CNOT3: variants seen among roughly 807,000 people sequenced by gnomAD.
CNOT3 encodes CCR4-associated factor 3.
A neutral mutation model predicts 89.4 loss-of-function variants in CNOT3; 2 were observed. That is an observed-to-expected ratio of 0.02 (90% confidence interval 0.01 to 0.07). The LOEUF is 0.07. Among genes scored for constraint, CNOT3 ranks in the 10% least tolerant of loss-of-function variants. CNOT3 has a pLI of 1.00. For synonymous variants in CNOT3, 486 were observed against 402.0 expected (o/e 1.21, Z -2.50); for missense variants, 664 against 1,010.2 (o/e 0.66, Z 4.65).
Position 54,148,265 on chromosome 19 carries a change from C to T in CNOT3, c.1012C>T (p.Pro338Ser). The T allele has an allele frequency of 6.2e-7, 1 of 1,608,168 alleles. No individual in the cohort carries two copies. The highest frequency in any genetic ancestry group is 8.5e-7 in the Non-Finnish European group (1 of 1,176,954). The change falls in exon 11 of 18, where the codon CCT becomes TCT. Residue 338 changes from proline to serine, a missense_variant. Transcript: ENST00000221232. This position sits in a 1 kb window ranked among gnomAD's most constrained non-coding sequence, Gnocchi z 6.3. ...PPAASALSTTPGNNGVPAPAA... is the reference protein window; with the variant it reads ...PPAASALSTTSGNNGVPAPAA... ...TGCTGCCTCTGCCTTGAGCACCACT[C>T]CTGGCAACAATGGGGTCCCCGCCCC...
intron 17 of CNOT3, 140 bp from the exon 18 acceptor site, chr19:54,155,169 G>T (rs1455242052): frequency 2.8e-5 from 24 of 867,768 alleles, no homozygotes; most frequent in Non-Finnish European, 4.1e-5. Context: ...GAGGATGGAT[G>T]AGAGTGTGTG....
chr19:54,143,856 G>A, intron 5 of CNOT3, 107 bp downstream of exon 5: 1 of 1,469,088 alleles, frequency 6.8e-7, no homozygotes. Flanking sequence ...CTCAAGAGAA[G>A]TAAGGTTTCT....
chr19:54,151,639 T>C (rs896486270), intron 13 of CNOT3, among the ~76,000 whole-genome samples: 2 of 152,096 alleles, frequency 1.3e-5, no homozygotes, highest in Admixed American at 6.6e-5. Context: ...GCCCTGACTT[T>C]GGGGAACAGA....
At chr19:54,151,462 G>A (rs902525069) in intron 13 of CNOT3, among the ~76,000 whole-genome samples, 7 of 152,176 alleles carry the variant, frequency 4.6e-5, no homozygotes, top group Non-Finnish European at 1.0e-4. Flanking sequence ...CCAGCTCTTA[G>A]GGAGGCAGAG....
At chr19:54,152,205 G>A in intron 13 of CNOT3, 21 bp from the exon 14 acceptor site, 2 of 1,613,438 alleles carry the variant, frequency 1.2e-6, no homozygotes, top group Non-Finnish European at 1.7e-6. Context: ...GCTCAGGCCA[G>A]GCCTCTTGTT....
chr19:54,143,575 G>A, intron 4 of CNOT3, 59 bp downstream of exon 4: 6 of 1,604,986 alleles, frequency 3.7e-6, no homozygotes, highest in Non-Finnish European at 4.3e-6. Flanking sequence ...CTGGGAGAGT[G>A]GACTGCTGGG....
chr19:54,143,048 C>T (rs747745491), intron 2 of CNOT3, 45 bp downstream of exon 2: 1 of 1,613,206 alleles, frequency 6.2e-7, no homozygotes, highest in South Asian at 1.1e-5. Context: ...CATGCTCCCT[C>T]TTCTGAGGAC....
chr19:54,142,862 G>A, intron 1 of CNOT3, 67 bp from the exon 2 acceptor site: 1 of 1,008,730 alleles, frequency 9.9e-7, no homozygotes, highest in South Asian at 1.3e-5. Flanking sequence ...TGCTGACTAG[G>A]TCCATGTCTC....
At chr19:54,154,271 A>C in intron 17 of CNOT3, 1 of 333,798 alleles carries the variant, frequency 3.0e-6, no homozygotes, top group Non-Finnish European at 5.9e-6. Context: ...TGCGGAAACT[A>C]TTTTTTTTGA....
At chr19:54,139,969 C>CT (rs1391202846) in intron 1 of CNOT3, among the ~76,000 whole-genome samples, 2 of 152,304 alleles carry the variant, frequency 1.3e-5, no homozygotes, top group Admixed American at 1.3e-4. Context: ...AAGGATCACC[C>CT]TTCAACATCA....
At position 54,152,803 on chromosome 19, in the gene CNOT3, G is replaced by A. The variant is rs1372176861; in HGVS notation, c.1905-64G>A. The A allele has an allele frequency of 1.4e-5, 12 of 880,352 alleles. No homozygotes were observed. In the East Asian group the frequency reaches 1.9e-4, roughly 14 times the overall value. 54.5% of individuals were successfully genotyped at this position (880,352 alleles called of 1,614,324 possible). A position where few individuals can be genotyped will look rare whatever the true frequency, so the allele number is the denominator to read the frequency against. On this transcript the variant is annotated intron_variant, in intron 15 of 17. Coordinates refer to ENST00000221232, the MANE Select transcript of CNOT3 (RefSeq NM_014516.4). Reference sequence around the variant, plus strand: ...TCCCCCCGCAGGGATGCATGTCTGAGCACCCTTTTGATCACGACAGGACTA... The same window carrying A: ...TCCCCCCGCAGGGATGCATGTCTGAACACCCTTTTGATCACGACAGGACTA...
intron 17 of CNOT3, chr19:54,154,687 A>T (rs1460845966): frequency 6.5e-6 from 1 of 153,636 alleles, no homozygotes; most frequent in East Asian, 1.9e-4. Flanking sequence ...CCAGGTTGCC[A>T]TCTTTGAAGC....
intron 15 of CNOT3, 39 bp downstream of exon 15, chr19:54,152,665 A>G: frequency 6.6e-7 from 1 of 1,521,716 alleles, no homozygotes; most frequent in Non-Finnish European, 9.1e-7. Context: ...CTGGGACTTG[A>G]GTCTTACGGA....
At chr19:54,142,350 G>A (rs1167014906) in intron 1 of CNOT3, 3 of 155,048 alleles carry the variant, frequency 1.9e-5, no homozygotes, top group South Asian at 1.9e-4. Context: ...CTGCATGAGC[G>A]GGTTCAGCTC....
intron 3 of CNOT3, 107 bp downstream of exon 3, chr19:54,143,293 T>C (rs2074528818): frequency 9.0e-7 from 1 of 1,114,228 alleles, no homozygotes; most frequent in African/African-American, 1.6e-5. Context: ...CATATGCAGA[T>C]GCTGAGGACC....
intron 13 of CNOT3, 130 bp downstream of exon 13, chr19:54,149,888 C>A (rs1339205522): frequency 1.0e-6 from 1 of 968,828 alleles, no homozygotes; most frequent in Non-Finnish European, 1.5e-6. Context: ...CCCCTTCTCA[C>A]ACTTGCTCTT....
intron 13 of CNOT3, among the ~76,000 whole-genome samples, chr19:54,149,982 C>G (rs1296243014): frequency 6.6e-6 from 1 of 152,144 alleles, no homozygotes; most frequent in Non-Finnish European, 1.5e-5. Flanking sequence ...CTCCAAAGCT[C>G]TGTTTCTCTG....
At chr19:54,141,483 C>T (rs1235133400) in intron 1 of CNOT3, 2 of 152,194 alleles carry the variant, frequency 1.3e-5, no homozygotes, top group Non-Finnish European at 2.9e-5. Context: ...TGCTGCTAGT[C>T]ACATGTGGTG....
At chr19:54,142,117 C>T (rs4806497) in intron 1 of CNOT3, 40,426 of 152,040 alleles carry the variant, frequency 0.27, 6,753 homozygotes, top group Non-Finnish European at 0.37. Flanking sequence ...GAGTGCAGAT[C>T]GGCTCCCTCA....
Sources: gnomAD v4.1 joint callset for allele counts (sites outside exome capture counted in the v4.1 genomes callset) on GRCh38, gnomAD v4.1.1 for gene constraint, Gnocchi (gnomAD v3.1) non-coding constraint, MANE v1.5 for transcripts, NCBI Gene and HGNC (gene_info 2026-07-23, HGNC 2026-07-21) for gene names.